The following NTNG1 variants were observed in gnomAD, a reference collection of about 807,000 sequenced individuals.
The protein encoded by NTNG1 is netrin G1, also known as netrin-G1.
In NTNG1, 16 loss-of-function variants were observed where a neutral mutation model predicts 54.0. The observed-to-expected ratio is 0.30, with a 90% CI of 0.20 to 0.45. The LOEUF is 0.45. NTNG1 is among the 20% of genes least tolerant of loss of function. The pLI, the probability that NTNG1 is intolerant of heterozygous loss-of-function variation, is 1.00. For synonymous variants in NTNG1, 255 were observed against 263.1 expected (o/e 0.97, Z 0.30); for missense variants, 530 against 678.7 (o/e 0.78, Z 2.43).
intron 2 of NTNG1, among the ~76,000 whole-genome samples, chr1:107,220,024 A>G (rs180756228): frequency 7.9e-5 from 12 of 152,232 alleles, no homozygotes; most frequent in Admixed American, 6.5e-4. Flanking sequence ...GGTGTTAGGC[A>G]TATCTGATTT....
chr1:107,380,957 G>A (rs1475684154), intron 3 of NTNG1, among the ~76,000 whole-genome samples: 2 of 152,284 alleles, frequency 1.3e-5, no homozygotes, highest in Admixed American at 1.3e-4. Context: ...TGGAGTATGA[G>A]TTGAAACATC....
chr1:107,167,859 G>T (rs1655925184), intron 2 of NTNG1, among the ~76,000 whole-genome samples: 1 of 151,604 alleles, frequency 6.6e-6, no homozygotes. Flanking sequence ...AGTTAAGTAA[G>T]CATTTGGAAA....
intron 2 of NTNG1, among the ~76,000 whole-genome samples, chr1:107,247,747 A>G (rs1662300071): frequency 6.6e-6 from 1 of 152,166 alleles, no homozygotes; most frequent in South Asian, 2.1e-4. Flanking sequence ...ATAAAAAACA[A>G]AAACAAAAAA....
chr1:107,461,489 A>T (rs1184979710), intron 7 of NTNG1, among the ~76,000 whole-genome samples: 2 of 151,998 alleles, frequency 1.3e-5, no homozygotes, highest in African/African-American at 4.8e-5. Context: ...CAGATCACCC[A>T]TCCTTGAAGG....
At chr1:107,169,892 G>T (rs1423083107) in intron 2 of NTNG1, among the ~76,000 whole-genome samples, 2 of 152,198 alleles carry the variant, frequency 1.3e-5, no homozygotes, top group African/African-American at 2.4e-5. Flanking sequence ...TTTATGGCAG[G>T]CTGTAAGAAA....
At chr1:107,242,343 A>ATC (rs1008736738) in intron 2 of NTNG1, among the ~76,000 whole-genome samples, 2 of 151,760 alleles carry the variant, frequency 1.3e-5, no homozygotes, top group Admixed American at 6.6e-5. Flanking sequence ...CTCTCTCTTT[A>ATC]TCTCTCTCTC....
At chr1:107,210,220 A>G (rs191629783) in intron 2 of NTNG1, among the ~76,000 whole-genome samples, 212 of 152,252 alleles carry the variant, frequency 1.4e-3, no homozygotes, top group Middle Eastern at 6.8e-3. Context: ...AAAATAATGA[A>G]TTTTAGGAAG....
chr1:107,382,764 CCT>C (rs138605469), intron 3 of NTNG1, among the ~76,000 whole-genome samples: 9,059 of 148,978 alleles, frequency 0.061, 329 homozygotes, highest in East Asian at 0.089. Flanking sequence ...TTTCCCTTTT[CCT>C]CTCTCTCTCT....
At chr1:107,245,775 C>T (rs1330814528) in intron 2 of NTNG1, among the ~76,000 whole-genome samples, 8 of 152,090 alleles carry the variant, frequency 5.3e-5, no homozygotes, top group Non-Finnish European at 8.8e-5. Context: ...ATCACCCATG[C>T]GCTTTTTAAT....
chr1:107,140,416 G>C (rs990111771), upstream of NTNG1, among the ~76,000 whole-genome samples: 1 of 151,678 alleles, frequency 6.6e-6, no homozygotes, highest in African/African-American at 2.4e-5. Context: ...GTCCCGGCCG[G>C]GAGCCGCTGG....
chr1:107,310,746 G>A (rs1391894661), intron 2 of NTNG1, among the ~76,000 whole-genome samples: 1 of 152,038 alleles, frequency 6.6e-6, no homozygotes, highest in African/African-American at 2.4e-5. Context: ...ATTGAAAAGA[G>A]GGAATAAGAA....
intron 2 of NTNG1, among the ~76,000 whole-genome samples, chr1:107,192,992 T>C (rs1370697451): frequency 6.6e-6 from 1 of 152,014 alleles, no homozygotes; most frequent in East Asian, 1.9e-4. Flanking sequence ...AACTAATAGG[T>C]AAAATGAGAT....
intron 2 of NTNG1, among the ~76,000 whole-genome samples, chr1:107,214,830 A>T (rs968792738): frequency 1.3e-5 from 2 of 150,700 alleles, no homozygotes; most frequent in Non-Finnish European, 2.9e-5. Context: ...CCATTCTTGC[A>T]GGAGTGAGGT....
intron 3 of NTNG1, among the ~76,000 whole-genome samples, chr1:107,346,060 C>A (rs1346463583): frequency 1.3e-5 from 2 of 152,178 alleles, no homozygotes; most frequent in Non-Finnish European, 2.9e-5. Context: ...TCTGGTGTCT[C>A]CCTGCCTATG....
chr1:107,271,885 A>G (rs905404099), intron 2 of NTNG1, among the ~76,000 whole-genome samples: 1 of 152,208 alleles, frequency 6.6e-6, no homozygotes, highest in African/African-American at 2.4e-5. Flanking sequence ...CATTTTAAAA[A>G]ATGACATTAA....
intron 2 of NTNG1, among the ~76,000 whole-genome samples, chr1:107,308,524 C>T (rs1352237536): frequency 7.2e-5 from 11 of 152,052 alleles, no homozygotes; most frequent in Admixed American, 6.6e-4. Context: ...TCTTTTTCTG[C>T]ACCAGTGCCA....
intron 2 of NTNG1, among the ~76,000 whole-genome samples, chr1:107,271,281 G>T (rs979751285): frequency 1.3e-5 from 2 of 152,074 alleles, no homozygotes; most frequent in African/African-American, 4.8e-5. Context: ...CATGTGCCAT[G>T]CTGCTGTGCT....
intron 3 of NTNG1, among the ~76,000 whole-genome samples, chr1:107,379,849 C>A (rs1671536940): frequency 6.6e-6 from 1 of 152,108 alleles, no homozygotes; most frequent in Admixed American, 6.5e-5. Flanking sequence ...CAAATTGGAG[C>A]ATTTTGGACT....
At position 107,148,797 on chromosome 1, in the gene NTNG1, G is replaced by A. The variant is rs147345058; in HGVS notation, c.204G>A (p.Pro68=). The change falls in exon 2 of 8, where the codon CCG becomes CCA. Residue 68 remains proline, a synonymous_variant. Transcript: ENST00000370068. ...TKYLKVKLDP[P]DITCGDPPET... ...ATCTGAAAGTGAAACTCGATCCTCC[G>A]GATATTACCTGTGGAGACCCTCCTG... 382 of 1,613,646 alleles carry A rather than the reference G, an allele frequency of 2.4e-4. No individual in the cohort carries two copies. The African/African-American group carries it at 2.7e-3, about 11-fold the overall frequency.
Sources: gnomAD v4.1 joint callset for allele counts (sites outside exome capture counted in the v4.1 genomes callset) on GRCh38, gnomAD v4.1.1 for gene constraint, MANE v1.5 for transcripts, NCBI Gene and HGNC (gene_info 2026-07-23, HGNC 2026-07-21) for gene names.